Variants in CADM2 observed in about 807,000 individuals in gnomAD.
CADM2 encodes cell adhesion molecule 2.
Under a neutral mutation model 49.8 loss-of-function variants are expected in CADM2, and 12 were observed. That is an observed-to-expected ratio of 0.24 (90% CI 0.15 to 0.39). CADM2 has a LOEUF of 0.39. Ranked by LOEUF, CADM2 falls within the 10% of genes least tolerant of loss-of-function variation. The pLI is 1.00. For synonymous variants in CADM2, 214 were observed against 175.4 expected, an observed-to-expected ratio of 1.22 and a Z score of -1.74; for missense variants, 378 against 492.3, an observed-to-expected ratio of 0.77 and a Z score of 2.20.
intron 1 of CADM2, among the ~76,000 whole-genome samples, chr3:85,443,623 A>G (rs948370194): frequency 6.6e-6 from 1 of 151,906 alleles, no homozygotes; most frequent in South Asian, 2.1e-4. Flanking sequence ...TTATTACTTG[A>G]CCGATTTGCA....
intron 5 of CADM2, among the ~76,000 whole-genome samples, chr3:85,896,644 C>T (rs562022701): frequency 9.2e-5 from 14 of 152,196 alleles, no homozygotes; most frequent in South Asian, 4.1e-4. Flanking sequence ...TATTATATAC[C>T]GTGTGTTTCA....
chr3:85,088,170 G>A (rs574267540), intron 1 of CADM2, among the ~76,000 whole-genome samples: 12 of 152,048 alleles, frequency 7.9e-5, no homozygotes, highest in Non-Finnish European at 1.8e-4. Flanking sequence ...TTTTTGATTT[G>A]ATTAATTCTG....
rs115993857 is a variant in CADM2 at position 85,515,425 on chromosome 3, C to G, written c.62-211097C>G. 2.1e-3 allele frequency among the ~76,000 whole-genome samples: 297 copies of G among 141,716 alleles called. 4 individuals carry two copies. The highest frequency in any genetic ancestry group is 7.5e-3 in the African/African-American group (288 of 38,430). The allele number at this position is 141,716 out of a possible 152,430, so 93.0% of individuals were successfully genotyped here. On this transcript the variant is annotated intron_variant, in intron 1 of 9. Coordinates refer to ENST00000383699, the MANE Select transcript of CADM2 (RefSeq NM_001167675.2). Reference sequence around the variant, plus strand: ...TTTTCTTTTGTTTGTTTGTTTGTTTCTTTTTTTTTTTATTATTATATGGAG... The same window carrying G: ...TTTTCTTTTGTTTGTTTGTTTGTTTGTTTTTTTTTTTATTATTATATGGAG...
Position 85,625,924 on chromosome 3 carries a change from C to T in CADM2, c.62-100598C>T, listed in dbSNP as rs554660252. Among the ~76,000 whole-genome samples, 479 of 152,024 alleles carry T rather than the reference C, an allele frequency of 3.2e-3. 3 individuals carry two copies. The highest frequency in any genetic ancestry group is 5.3e-3 in the Non-Finnish European group (358 of 67,898). ...TATCTTGACCCTGTTTTTATATGTA[C>T]CAAACTTGATTGTCGTTAATTTTGG... On this transcript the variant is annotated intron_variant, in intron 1 of 9. Transcript: ENST00000383699.
intron 8 of CADM2, among the ~76,000 whole-genome samples, chr3:86,045,114 C>G (rs960567119): frequency 1.3e-5 from 2 of 151,674 alleles, no homozygotes; most frequent in East Asian, 1.9e-4. Flanking sequence ...GTTAAATGAC[C>G]AGTTAATGGG....
intron 3 of CADM2, among the ~76,000 whole-genome samples, chr3:85,882,307 A>G (rs1712931781): frequency 6.6e-6 from 1 of 152,034 alleles, no homozygotes; most frequent in Non-Finnish European, 1.5e-5. Context: ...TAAGGCTCCT[A>G]CTTCATTCTC....
intron 1 of CADM2, among the ~76,000 whole-genome samples, chr3:85,499,002 T>C (rs1181906648): frequency 6.6e-6 from 1 of 152,168 alleles, no homozygotes. Context: ...TCATGTATAT[T>C]ATATTCAGGG....
At chr3:85,476,084 A>T (rs2038962655) in intron 1 of CADM2, among the ~76,000 whole-genome samples, 1 of 151,924 alleles carries the variant, frequency 6.6e-6, no homozygotes, top group Non-Finnish European at 1.5e-5. Flanking sequence ...ATTAAACACT[A>T]CTTCAAATGA....
chr3:84,989,577 TAGCTAATG>T (rs2032769015), intron 1 of CADM2, among the ~76,000 whole-genome samples: 3 of 152,120 alleles, frequency 2.0e-5, no homozygotes, highest in Admixed American at 1.3e-4. Flanking sequence ...AGTGCTTGCT[TAGCTAATG>T]CATAGTATAA....
intron 1 of CADM2, among the ~76,000 whole-genome samples, chr3:85,346,137 T>C (rs1000270174): frequency 6.6e-6 from 1 of 152,176 alleles, no homozygotes; most frequent in African/African-American, 2.4e-5. Context: ...TTCAGCCAGG[T>C]ATGGAAAACC....
chr3:85,620,978 A>G (rs1223983710), intron 1 of CADM2, among the ~76,000 whole-genome samples: 1 of 152,116 alleles, frequency 6.6e-6, no homozygotes, highest in Non-Finnish European at 1.5e-5. Flanking sequence ...TAAGACTTCC[A>G]CTTTTAATTA....
chr3:85,865,433 G>A (rs768128884), intron 3 of CADM2, among the ~76,000 whole-genome samples: 4 of 152,130 alleles, frequency 2.6e-5, no homozygotes, highest in Non-Finnish European at 5.9e-5. Flanking sequence ...AAGAAAGCAT[G>A]GAGCAAAAAT....
chr3:85,893,291 A>G (rs889255770), intron 5 of CADM2, among the ~76,000 whole-genome samples: 1 of 152,196 alleles, frequency 6.6e-6, no homozygotes, highest in East Asian at 1.9e-4. Context: ...CTGGCTAGCC[A>G]TATGTAGAAA....
chr3:85,679,713 C>T (rs893623636), intron 1 of CADM2, among the ~76,000 whole-genome samples: 1 of 152,112 alleles, frequency 6.6e-6, no homozygotes, highest in African/African-American at 2.4e-5. Context: ...AGGCAGTCAC[C>T]GTGTCTGCAG....
At chr3:85,710,553 T>C (rs2067088841) in intron 1 of CADM2, among the ~76,000 whole-genome samples, 1 of 152,146 alleles carries the variant, frequency 6.6e-6, no homozygotes, top group Non-Finnish European at 1.5e-5. Context: ...CCAGTTTGCA[T>C]AGAGAGGTAT....
intron 8 of CADM2, among the ~76,000 whole-genome samples, chr3:86,024,900 TGAGACAGAGTCTCAC>T (rs1457235562): frequency 1.3e-5 from 2 of 151,748 alleles, no homozygotes; most frequent in Non-Finnish European, 2.9e-5. Context: ...TTTTCTTTCT[TGAGACAGAGTCTCAC>T]TCTGTCGCCC....
chr3:85,584,101 T>C (rs1238086319), intron 1 of CADM2, among the ~76,000 whole-genome samples: 1 of 152,072 alleles, frequency 6.6e-6, no homozygotes, highest in African/African-American at 2.4e-5. Context: ...ATTGAGAAAC[T>C]ATTTTTGGTT....
At chr3:85,967,922 C>A (rs1436113313) in intron 8 of CADM2, among the ~76,000 whole-genome samples, 1 of 151,560 alleles carries the variant, frequency 6.6e-6, no homozygotes, top group Admixed American at 6.6e-5. Flanking sequence ...AAAATCTGTT[C>A]TTTCACATGG....
rs114355365 is a variant in CADM2 at position 85,218,336 on chromosome 3, G to A, written c.61+258668G>A. Among the ~76,000 whole-genome samples the A allele has an allele frequency of 4.8e-3, 727 of 152,238 alleles. 5 individuals carry two copies. The highest frequency in any genetic ancestry group is 0.016 in the African/African-American group (665 of 41,540). Reference sequence around the variant, plus strand: ...AGTTGTTATAAAAGATTTTGAGAATGTGTAAGCAAAGACCAAGCTATAGTG... The same window carrying A: ...AGTTGTTATAAAAGATTTTGAGAATATGTAAGCAAAGACCAAGCTATAGTG... On this transcript the variant is annotated intron_variant, in intron 1 of 9. Coordinates refer to ENST00000383699, the MANE Select transcript of CADM2 (RefSeq NM_001167675.2).
Sources: gnomAD v4.1 joint callset for allele counts (sites outside exome capture counted in the v4.1 genomes callset) on GRCh38, gnomAD v4.1.1 for gene constraint, MANE v1.5 for transcripts, NCBI Gene and HGNC (gene_info 2026-07-23, HGNC 2026-07-21) for gene names.